ARHGEF10: variants seen among roughly 807,000 people sequenced by gnomAD.
The protein encoded by ARHGEF10 is Rho guanine nucleotide exchange factor 10.
ARHGEF10 carries 140 observed loss-of-function variants against 147.4 expected under a neutral mutation model. That is an observed-to-expected ratio of 0.95 (90% CI 0.83 to 1.09). The LOEUF is 1.09. ARHGEF10 is among the 50% of genes least tolerant of loss of function. The pLI, the probability that ARHGEF10 is intolerant of heterozygous loss-of-function variation, is 0.00. For synonymous variants in ARHGEF10, 902 were observed against 695.8 expected, an observed-to-expected ratio of 1.30 and a Z score of -4.67; for missense variants, 2,222 against 1,752.7, an observed-to-expected ratio of 1.27 and a Z score of -4.78.
chr8:1,864,757 G>A (rs1385720579), intron 5 of ARHGEF10, among the ~76,000 whole-genome samples: 2 of 152,224 alleles, frequency 1.3e-5, no homozygotes, highest in African/African-American at 4.8e-5. Context: ...CCTTTGCAGG[G>A]TAAAGCGTCC....
intron 1 of ARHGEF10, among the ~76,000 whole-genome samples, chr8:1,839,379 T>G (rs954175859): frequency 1.5e-5 from 2 of 134,172 alleles, no homozygotes; most frequent in African/African-American, 5.9e-5. Context: ...GTGGAAGCTG[T>G]CTGGTGTGGG....
intron 1 of ARHGEF10, among the ~76,000 whole-genome samples, chr8:1,830,549 C>G (rs1383444148): frequency 6.6e-6 from 1 of 152,194 alleles, no homozygotes; most frequent in Non-Finnish European, 1.5e-5. Context: ...TGACAAGCAC[C>G]GGCAAATCTG....
At chr8:1,922,700 G>C (rs1812389482) in intron 18 of ARHGEF10, among the ~76,000 whole-genome samples, 1 of 152,172 alleles carries the variant, frequency 6.6e-6, no homozygotes, top group South Asian at 2.1e-4. Flanking sequence ...TGATACGCTT[G>C]CGTCAGATGT....
intron 24 of ARHGEF10, 54 bp from the exon 25 acceptor site, chr8:1,929,232 C>T (rs537847768): frequency 2.2e-4 from 350 of 1,583,754 alleles, no homozygotes; most frequent in Non-Finnish European, 2.8e-4. Flanking sequence ...CAGGCACCCT[C>T]GTTCTTGTTA....
intron 17 of ARHGEF10, among the ~76,000 whole-genome samples, chr8:1,908,227 A>ATTTTTTTTT (rs11288174): frequency 0.05 from 5,531 of 109,700 alleles, 259 homozygotes; most frequent in African/African-American, 0.081. Context: ...CCACACTTTG[A>ATTTTTTTTT]TTTTTTTTTT....
intron 11 of ARHGEF10, among the ~76,000 whole-genome samples, 193 bp from the exon 12 acceptor site, chr8:1,893,376 A>ATATATACATTATAT (rs1809706463): frequency 6.6e-6 from 1 of 152,220 alleles, no homozygotes; most frequent in Non-Finnish European, 1.5e-5. Context: ...TTTGAGGTTT[A>ATATATACATTATAT]AGACATTATA....
At chr8:1,862,413 C>T (rs1327230076) in intron 4 of ARHGEF10, among the ~76,000 whole-genome samples, 1 of 152,256 alleles carries the variant, frequency 6.6e-6, no homozygotes, top group African/African-American at 2.4e-5. Flanking sequence ...ACAGGCAGGT[C>T]CTGCTCTTGT....
At chr8:1,925,255 G>T in intron 21 of ARHGEF10, 28 bp from the exon 22 acceptor site, 1 of 1,614,012 alleles carries the variant, frequency 6.2e-7, no homozygotes. Flanking sequence ...CTGCATTCTT[G>T]CTCATTTCTC....
intron 7 of ARHGEF10, among the ~76,000 whole-genome samples, chr8:1,873,090 T>C (rs1371162931): frequency 1.3e-5 from 2 of 152,206 alleles, no homozygotes; most frequent in Non-Finnish European, 2.9e-5. Context: ...CGAGGCCCAG[T>C]GTGTCCCCTT....
rs1245023344 is a variant in ARHGEF10, at chr8:1,894,434, G to A, written c.1302G>A (p.Leu434=). ...TGTCTGAGATGGAGCCAAAGGTTCT[G>A]AGTGAGAGGAAGCTGAAGACGGTGT... ...KPLSEMEPKV[L]SERKLKTVFY... is the part of the protein sequence containing the mutation. The change falls in exon 13 of 29, where the codon CTG becomes CTA. Residue 434 remains leucine, a synonymous_variant. Transcript: ENST00000349830. The A allele has an allele frequency of 1.2e-6, 2 of 1,614,242 alleles. No individual in the cohort carries two copies. Among genetic ancestry groups the A allele is most frequent in the Admixed American group, 1.7e-5 (1 of 60,028 alleles).
At position 1,823,999 on chromosome 8, in the gene ARHGEF10, C is replaced by T. The variant is rs1392935657; in HGVS notation, c.-162C>T. 1.3e-5 allele frequency: 1 copy of T among 79,360 alleles called. No individual in the cohort carries two copies. The highest frequency in any genetic ancestry group is 2.3e-5 in the Non-Finnish European group (1 of 42,644). The allele number at this position is 79,360 out of a possible 1,614,324, so 4.9% of individuals were successfully genotyped here. ...ACGGGGTCGCGGGGGACGCGGGGGA[C>T]GCGGGGGACGGCGGGGAACGGCGGG... On this transcript the variant is annotated 5_prime_UTR_variant, in exon 1 of 29. In the 5' UTR this introduces an upstream ATG that the reference lacks. Coordinates refer to ENST00000349830, the MANE Select transcript of ARHGEF10 (RefSeq NM_014629.4).
Position 1,840,563 on chromosome 8 carries a change from A to G in ARHGEF10, c.-47-2790A>G, listed in dbSNP as rs79872984. On this transcript the variant is annotated intron_variant, in intron 1 of 28. Coordinates refer to ENST00000349830, the MANE Select transcript of ARHGEF10 (RefSeq NM_014629.4). Reference sequence around the variant, plus strand: ...CTGTCCGGTGTGGAAGCTGTCTGATATGGGGACTGTCTGGTGTGGAAGCTG... The same window carrying G: ...CTGTCCGGTGTGGAAGCTGTCTGATGTGGGGACTGTCTGGTGTGGAAGCTG... Among the ~76,000 whole-genome samples the G allele has an allele frequency of 7.7e-3, 817 of 105,940 alleles. 82 individuals are homozygous for G. The highest frequency in any genetic ancestry group is 0.028 in the South Asian group (70 of 2,532). 69.5% of individuals were successfully genotyped at this position (105,940 alleles called of 152,430 possible).
intron 18 of ARHGEF10, among the ~76,000 whole-genome samples, chr8:1,910,863 A>G (rs940824489): frequency 7.2e-5 from 11 of 152,252 alleles, no homozygotes; most frequent in African/African-American, 2.7e-4. Context: ...TTAAATAGCT[A>G]AAGGTGACTT....
At chr8:1,925,830 C>A (rs1812650211) in intron 22 of ARHGEF10, among the ~76,000 whole-genome samples, 1 of 152,316 alleles carries the variant, frequency 6.6e-6, no homozygotes, top group East Asian at 1.9e-4. Flanking sequence ...AGGGTGGCGT[C>A]TTATTAATGT....
chr8:1,889,905 A>G lies in ARHGEF10; in HGVS notation c.1183-3664A>G, dbSNP rs191869547. ...TGTGAGGAGACACTGCATGGGGTGA[A>G]CTTTGTTAGGAGGCAGTGAGTGGGG... is the stretch of plus-strand genomic sequence containing the variant. On this transcript the variant is annotated intron_variant, in intron 11 of 28. Coordinates refer to ENST00000349830, the MANE Select transcript of ARHGEF10 (RefSeq NM_014629.4). Among the ~76,000 whole-genome samples the G allele has an allele frequency of 6.5e-5, 7 of 106,968 alleles. 2 individuals carry two copies. Among genetic ancestry groups the G allele is most frequent in the African/African-American group, 2.5e-4 (6 of 24,458 alleles). 70.2% of individuals were successfully genotyped at this position (106,968 alleles called of 152,430 possible). A position where few individuals can be genotyped will look rare whatever the true frequency, so the allele number is the denominator to read the frequency against.
chr8:1,867,813 G>GAACC (rs1806751930), intron 6 of ARHGEF10, among the ~76,000 whole-genome samples: 1 of 152,192 alleles, frequency 6.6e-6, no homozygotes, highest in Non-Finnish European at 1.5e-5. Context: ...TTACAAGGTA[G>GAACC]AACCATCTTA....
Position 1,882,677 on chromosome 8 carries a change from G to A in ARHGEF10, c.1003G>A (p.Gly335Arg), listed in dbSNP as rs1294633922. 4.5e-6 allele frequency: 7 copies of A among 1,556,710 alleles called. No homozygotes were observed. The highest frequency in any genetic ancestry group is 4.3e-6 in the Non-Finnish European group (5 of 1,149,544). The change falls in exon 10 of 29, where the codon GGG (glycine) becomes AGG (arginine). Residue 335 changes from glycine (G) to arginine (R), a missense_variant. By Grantham distance (125) the Gly-to-Arg change is moderately radical. Transcript: ENST00000349830. ...VKAAKDGTKDGLERTRAAVKR... is the reference protein window; with the variant it reads ...VKAAKDGTKDRLERTRAAVKR... Reference sequence around the variant, plus strand: ...GGCCGCGAAGGACGGCACCAAGGACGGGCTGGAGAGGACCAGGGCAGCCGT... The same window carrying A: ...GGCCGCGAAGGACGGCACCAAGGACAGGCTGGAGAGGACCAGGGCAGCCGT...
At chr8:1,901,687 G>A (rs1014278766) in intron 15 of ARHGEF10, among the ~76,000 whole-genome samples, 13 of 152,246 alleles carry the variant, frequency 8.5e-5, no homozygotes, top group African/African-American at 3.1e-4. Context: ...ACTCCACCCT[G>A]TGCTGGCTGC....
At chr8:1,829,650 G>C (rs118127531) in intron 1 of ARHGEF10, among the ~76,000 whole-genome samples, 7,229 of 152,178 alleles carry the variant, frequency 0.048, 247 homozygotes, top group Middle Eastern at 0.14. Context: ...TTGCAGAGCA[G>C]GGCTGAGGAG....
Sources: allele counts gnomAD v4.1 joint callset (sites outside exome capture counted in the v4.1 genomes callset), GRCh38; gene constraint gnomAD v4.1.1; transcripts MANE v1.5; gene names NCBI Gene and HGNC (gene_info 2026-07-23, HGNC 2026-07-21).